Variants in GRIN2B observed in about 807,000 individuals in gnomAD.
The protein encoded by GRIN2B is glutamate ionotropic receptor NMDA type subunit 2B.
A neutral mutation model predicts 114.5 loss-of-function variants in GRIN2B; 5 were observed. The observed-to-expected ratio is 0.04, with a 90% CI of 0.02 to 0.09. GRIN2B has a LOEUF of 0.09. Among genes scored for constraint, GRIN2B ranks in the 10% least tolerant of loss-of-function variants. GRIN2B has a pLI of 1.00. For synonymous variants in GRIN2B, 787 were observed against 745.1 expected, an observed-to-expected ratio of 1.06 and a Z score of -0.92; for missense variants, 1,108 against 1,943.5, an observed-to-expected ratio of 0.57 and a Z score of 8.08.
chr12:13,791,511 T>C (rs1864321471), intron 3 of GRIN2B, among the ~76,000 whole-genome samples: 1 of 151,618 alleles, frequency 6.6e-6, no homozygotes, highest in African/African-American at 2.4e-5. Context: ...GAATTTTTAA[T>C]GACAGAAAGA....
intron 3 of GRIN2B, among the ~76,000 whole-genome samples, chr12:13,787,645 T>A (rs1864242649): frequency 6.6e-6 from 1 of 152,214 alleles, no homozygotes; most frequent in Non-Finnish European, 1.5e-5. Flanking sequence ...ATTTCATACA[T>A]CCTATTATGG....
At chr12:13,867,007 T>G (rs1473971441) in intron 2 of GRIN2B, among the ~76,000 whole-genome samples, 2 of 152,244 alleles carry the variant, frequency 1.3e-5, no homozygotes, top group Non-Finnish European at 1.5e-5. Context: ...TTCTGACTTT[T>G]GTATTCCAAT....
intron 5 of GRIN2B, among the ~76,000 whole-genome samples, chr12:13,643,004 C>A (rs1949733810): frequency 6.6e-6 from 1 of 152,144 alleles, no homozygotes; most frequent in South Asian, 2.1e-4. Flanking sequence ...TAGCAGCAAC[C>A]AATTAAAGGC....
intron 5 of GRIN2B, among the ~76,000 whole-genome samples, chr12:13,629,347 T>C (rs922344752): frequency 6.6e-5 from 10 of 152,172 alleles, no homozygotes; most frequent in African/African-American, 2.4e-4. Context: ...TTTCTTCAGC[T>C]GTGGAGGGTG....
At chr12:13,625,712 C>T (rs999301297) in intron 5 of GRIN2B, among the ~76,000 whole-genome samples, 31 of 152,068 alleles carry the variant, frequency 2.0e-4, no homozygotes, top group African/African-American at 7.5e-4. Flanking sequence ...AACATCAGGG[C>T]GAACTCTATG....
chr12:13,920,930 G>T (rs910472834), intron 2 of GRIN2B, among the ~76,000 whole-genome samples: 15 of 152,102 alleles, frequency 9.9e-5, no homozygotes, highest in Non-Finnish European at 1.9e-4. Context: ...TCTGCCCCAT[G>T]GTTCTCAAGT....
At chr12:13,780,754 A>C (rs1864095271) in intron 3 of GRIN2B, among the ~76,000 whole-genome samples, 1 of 151,798 alleles carries the variant, frequency 6.6e-6, no homozygotes, top group South Asian at 2.1e-4. Flanking sequence ...TTGCAGAACT[A>C]GATAGTATGA....
intron 10 of GRIN2B, among the ~76,000 whole-genome samples, chr12:13,592,262 T>C (rs1158384951): frequency 6.6e-6 from 1 of 152,120 alleles, no homozygotes; most frequent in Non-Finnish European, 1.5e-5. Flanking sequence ...AAGAGAGCCA[T>C]TGTTCTAAGA....
intron 2 of GRIN2B, among the ~76,000 whole-genome samples, chr12:13,967,495 C>A (rs986963617): frequency 2.6e-5 from 4 of 152,216 alleles, no homozygotes; most frequent in Non-Finnish European, 5.9e-5. Context: ...GATAAATTTA[C>A]ATACCTCTAT....
intron 3 of GRIN2B, among the ~76,000 whole-genome samples, chr12:13,786,671 AG>A (rs151076901): frequency 0.17 from 26,019 of 151,480 alleles, 2,437 homozygotes; most frequent in South Asian, 0.26. Context: ...ATCAGGGCTG[AG>A]GGGAAAAAAA....
chr12:13,625,313 A>G (rs1232674939), intron 5 of GRIN2B, among the ~76,000 whole-genome samples: 1 of 152,128 alleles, frequency 6.6e-6, no homozygotes, highest in African/African-American at 2.4e-5. Flanking sequence ...AGAGTAGAAG[A>G]GTCTGTTTCA....
At position 13,621,613 on chromosome 12, in the gene GRIN2B, GTTTT is replaced by G. The variant is rs869106790; in HGVS notation, c.1126-4960_1126-4957del. Among the ~76,000 whole-genome samples the G allele has an allele frequency of 4.8e-3, 347 of 72,326 alleles. 2 individuals carry two copies. The highest frequency in any genetic ancestry group is 0.018 in the African/African-American group (324 of 17,942). 47.4% of individuals were successfully genotyped at this position (72,326 alleles called of 152,430 possible). ...AGAAAAAAAAAATTGCCTAGTTTTT[GTTTT>G]TTTTTTTTTTTTTTTTTTTTTTTCA... is the stretch of plus-strand genomic sequence containing the variant. On this transcript the variant is annotated intron_variant, in intron 5 of 13. Transcript: ENST00000609686.
chr12:13,849,729 A>G (rs1394282317), intron 3 of GRIN2B, among the ~76,000 whole-genome samples: 1 of 152,152 alleles, frequency 6.6e-6, no homozygotes, highest in African/African-American at 2.4e-5. Context: ...CCAAGAGCAT[A>G]TGGCCTGTTC....
At chr12:13,950,461 G>A (rs1242268575) in intron 2 of GRIN2B, among the ~76,000 whole-genome samples, 2 of 152,216 alleles carry the variant, frequency 1.3e-5, no homozygotes, top group African/African-American at 2.4e-5. Flanking sequence ...AAATAAGGAT[G>A]ATAAGAGTAC....
intron 10 of GRIN2B, among the ~76,000 whole-genome samples, chr12:13,579,359 T>C (rs1298338409): frequency 6.6e-6 from 1 of 152,196 alleles, no homozygotes; most frequent in African/African-American, 2.4e-5. Context: ...AGCTGCCTGA[T>C]TCAGATCCCA....
rs1194489904 is a variant in GRIN2B at position 13,552,426 on chromosome 12, G to A, written c.*10357C>T. The A allele has an allele frequency of 1.3e-5, 2 of 152,136 alleles. No homozygotes were observed. Among genetic ancestry groups the A allele is most frequent in the Non-Finnish European group, 2.9e-5 (2 of 68,010 alleles). 9.4% of individuals were successfully genotyped at this position (152,136 alleles called of 1,614,324 possible). ...CACATGTCAGCTTCTGGCTTTATTG[G>A]TGACACAAAAGGAAGCTCCAGTGTA... On this transcript the variant is annotated 3_prime_UTR_variant, in exon 14 of 14. Coordinates refer to ENST00000609686, the MANE Select transcript of GRIN2B (RefSeq NM_000834.5).
intron 4 of GRIN2B, among the ~76,000 whole-genome samples, chr12:13,749,588 A>G (rs1329726481): frequency 6.6e-6 from 1 of 152,242 alleles, no homozygotes; most frequent in East Asian, 1.9e-4. Context: ...TTTATTTGCA[A>G]AGATTTCCTG....
intron 3 of GRIN2B, among the ~76,000 whole-genome samples, chr12:13,785,895 G>A (rs1217900006): frequency 2.6e-5 from 4 of 152,146 alleles, no homozygotes; most frequent in Admixed American, 6.5e-5. Context: ...AAGACTCTAG[G>A]AGCCAGTGTG....
intron 2 of GRIN2B, among the ~76,000 whole-genome samples, chr12:13,883,978 T>G (rs1372429774): frequency 6.6e-6 from 1 of 152,212 alleles, no homozygotes; most frequent in Admixed American, 6.5e-5. Context: ...TGGCACAAGC[T>G]ATGAGTCGAG....
Sources: allele counts gnomAD v4.1 joint callset (sites outside exome capture counted in the v4.1 genomes callset), GRCh38; gene constraint gnomAD v4.1.1; transcripts MANE v1.5; gene names NCBI Gene and HGNC (gene_info 2026-07-23, HGNC 2026-07-21).